NTRK2: variants seen among roughly 807,000 people sequenced by gnomAD.
NTRK2 encodes neurotrophic receptor tyrosine kinase 2.
In NTRK2, 13 loss-of-function variants were observed where a neutral mutation model predicts 94.5. The ratio of observed to expected loss-of-function variants is 0.14; its 90% CI spans 0.09 to 0.22. NTRK2 has a LOEUF of 0.22. Among genes scored for constraint, NTRK2 ranks in the 10% least tolerant of loss-of-function variants. The pLI is 1.00. For synonymous variants in NTRK2, 372 were observed against 407.4 expected, an observed-to-expected ratio of 0.91 and a Z score of 1.05; for missense variants, 639 against 1,071.2, an observed-to-expected ratio of 0.60 and a Z score of 5.63.
intron 9 of NTRK2, among the ~76,000 whole-genome samples, chr9:84,729,490 A>C (rs1290306856): frequency 6.6e-6 from 1 of 152,218 alleles, no homozygotes; most frequent in Admixed American, 6.5e-5. Context: ...TTAAATCCAG[A>C]GACACTGATT....
At chr9:84,878,250 A>G (rs983590080) in intron 14 of NTRK2, among the ~76,000 whole-genome samples, 1 of 152,258 alleles carries the variant, frequency 6.6e-6, no homozygotes, top group African/African-American at 2.4e-5. Flanking sequence ...TTTTAAATAA[A>G]GCCAGCATAA....
intron 14 of NTRK2, among the ~76,000 whole-genome samples, chr9:84,884,055 ATAAT>A (rs981850550): frequency 5.3e-5 from 8 of 152,238 alleles, no homozygotes; most frequent in African/African-American, 1.9e-4. Context: ...TCTGTACAAA[ATAAT>A]GTAAGAAGAG....
intron 17 of NTRK2, among the ~76,000 whole-genome samples, chr9:84,983,234 G>A (rs1457228806): frequency 6.6e-6 from 1 of 152,108 alleles, no homozygotes; most frequent in African/African-American, 2.4e-5. Context: ...AAAACTAAAT[G>A]ACCCCAAGGT....
At chr9:84,705,742 G>C (rs1180034077) in intron 4 of NTRK2, among the ~76,000 whole-genome samples, 4 of 150,014 alleles carry the variant, frequency 2.7e-5, no homozygotes, top group Non-Finnish European at 5.9e-5. Context: ...AAGATAGGCA[G>C]ACTGACTTTT....
intron 12 of NTRK2, among the ~76,000 whole-genome samples, chr9:84,859,801 C>T (rs971138178): frequency 1.1e-4 from 16 of 152,336 alleles, no homozygotes; most frequent in African/African-American, 3.6e-4. Flanking sequence ...CAGGACTCTG[C>T]CTCCCTAGAC....
chr9:84,876,020 A>C (rs1182775127), intron 14 of NTRK2: 2 of 1,025,940 alleles, frequency 1.9e-6, no homozygotes, highest in Admixed American at 5.7e-5. Context: ...CCTAGTTTCT[A>C]TATATTATTT....
intron 6 of NTRK2, among the ~76,000 whole-genome samples, chr9:84,714,557 T>G (rs769007449): frequency 2.6e-5 from 4 of 152,202 alleles, no homozygotes; most frequent in Admixed American, 6.5e-5. Flanking sequence ...AATTTTCTTT[T>G]GATGGTTTCC....
chr9:84,822,015 C>A (rs1211341987), intron 12 of NTRK2, among the ~76,000 whole-genome samples: 3 of 152,150 alleles, frequency 2.0e-5, no homozygotes, highest in African/African-American at 7.2e-5. Flanking sequence ...CTGTGTTTGT[C>A]ATTTTCACCA....
At chr9:84,723,357 A>G (rs1253412167) in intron 6 of NTRK2, among the ~76,000 whole-genome samples, 1 of 152,234 alleles carries the variant, frequency 6.6e-6, no homozygotes, top group Admixed American at 6.5e-5. Context: ...AGTAATGTGC[A>G]TAATTTATTT....
chr9:84,670,012 C>G (rs1050846980), intron 1 of NTRK2, 124 bp downstream of exon 1: 1 of 157,044 alleles, frequency 6.4e-6, no homozygotes, highest in Non-Finnish European at 1.4e-5. Flanking sequence ...ACCCAGCGGC[C>G]GTGGCGGATT....
chr9:84,789,646 A>C (rs2068518159), intron 12 of NTRK2, among the ~76,000 whole-genome samples: 1 of 152,128 alleles, frequency 6.6e-6, no homozygotes, highest in Non-Finnish European at 1.5e-5. Context: ...ATCCAGAAGA[A>C]CTGGATTTTC....
At chr9:84,931,722 AAAAAAAAAC>A (rs1316991351) in intron 14 of NTRK2, among the ~76,000 whole-genome samples, 12 of 151,488 alleles carry the variant, frequency 7.9e-5, no homozygotes, top group Admixed American at 7.9e-4. Context: ...AATGCAAAAA[AAAAAAAAAC>A]AAAAAAAACC....
At chr9:84,776,223 T>C (rs1343683005) in intron 12 of NTRK2, among the ~76,000 whole-genome samples, 1 of 152,112 alleles carries the variant, frequency 6.6e-6, no homozygotes, top group Non-Finnish European at 1.5e-5. Context: ...GTTATTTATT[T>C]ATTTATTTTT....
intron 14 of NTRK2, among the ~76,000 whole-genome samples, chr9:84,926,793 G>A (rs1344622357): frequency 4.6e-5 from 7 of 152,178 alleles, no homozygotes; most frequent in African/African-American, 1.7e-4. Flanking sequence ...GTGGATTGGG[G>A]AAATTACACC....
chr9:84,894,157 A>G (rs62562458), intron 14 of NTRK2, among the ~76,000 whole-genome samples: 130,174 of 150,168 alleles, frequency 0.87, 56,630 homozygotes, highest in African/African-American at 0.94. Flanking sequence ...GTGTTACTTG[A>G]CTATTTGGGA....
At chr9:84,886,723 T>C (rs1046320537) in intron 14 of NTRK2, among the ~76,000 whole-genome samples, 57 of 152,316 alleles carry the variant, frequency 3.7e-4, no homozygotes, top group African/African-American at 1.4e-3. Flanking sequence ...GTCAACACTT[T>C]CTCCTTGAGC....
chr9:84,702,251 G>T lies in NTRK2; in HGVS notation c.287+18G>T. ...AGAAATCTGTGAGTACTCAGGACCA[G>T]GGCACATTATCTCAGAGAATTTTCC... is the stretch of plus-strand genomic sequence containing the variant. On this transcript the variant is annotated intron_variant, in intron 3 of 18. Coordinates refer to ENST00000277120, the MANE Select transcript of NTRK2 (RefSeq NM_006180.6). 1 of 1,613,592 alleles carries T rather than the reference G, an allele frequency of 6.2e-7. No individual in the cohort carries two copies. The highest frequency in any genetic ancestry group is 1.1e-5 in the South Asian group (1 of 91,048).
At chr9:84,779,265 C>T (rs1201953391) in intron 12 of NTRK2, among the ~76,000 whole-genome samples, 1 of 152,028 alleles carries the variant, frequency 6.6e-6, no homozygotes, top group Non-Finnish European at 1.5e-5. Context: ...CTTCCATTAC[C>T]ACTTGACTTT....
intron 13 of NTRK2, among the ~76,000 whole-genome samples, chr9:84,866,778 A>G (rs1038237017): frequency 6.6e-6 from 1 of 152,232 alleles, no homozygotes; most frequent in African/African-American, 2.4e-5. Context: ...TCATAGTAGC[A>G]TTATTCATAA....
Sources: gnomAD v4.1 joint callset for allele counts (sites outside exome capture counted in the v4.1 genomes callset) on GRCh38, gnomAD v4.1.1 for gene constraint, MANE v1.5 for transcripts, NCBI Gene and HGNC (gene_info 2026-07-23, HGNC 2026-07-21) for gene names.